Variants in MTUS2 observed in about 807,000 individuals in gnomAD.
The protein encoded by MTUS2 is microtubule associated scaffold protein 2.
MTUS2 carries 40 observed loss-of-function variants against 114.1 expected under a neutral mutation model. That is an observed-to-expected ratio of 0.35 (90% CI 0.27 to 0.46). The LOEUF (loss-of-function observed/expected upper bound fraction) is 0.46, where lower values mean the gene tolerates loss of function less well. MTUS2 is among the 20% of genes least tolerant of loss of function. MTUS2 has a pLI of 1.00. For missense variants in MTUS2, 1,679 were observed against 1,705.4 expected (o/e 0.98, Z 0.27); for synonymous variants, 688 against 672.0 (o/e 1.02, Z -0.37).
chr13:28,988,183 C>G (rs1884673690), intron 2 of MTUS2, among the ~76,000 whole-genome samples: 1 of 151,940 alleles, frequency 6.6e-6, no homozygotes, highest in Middle Eastern at 3.4e-3. Context: ...GTTTCTGGGA[C>G]TGGAGGGACA....
At chr13:28,983,137 T>C (rs1884432919) in intron 2 of MTUS2, among the ~76,000 whole-genome samples, 1 of 152,230 alleles carries the variant, frequency 6.6e-6, no homozygotes, top group South Asian at 2.1e-4. Flanking sequence ...AGGGTGGCTG[T>C]CATCTCCTTC....
At chr13:29,015,126 G>T (rs1886012496) in intron 2 of MTUS2, among the ~76,000 whole-genome samples, 1 of 152,224 alleles carries the variant, frequency 6.6e-6, no homozygotes, top group Admixed American at 6.5e-5. Flanking sequence ...GCCGTGGGTT[G>T]GAGGACTGTT....
chr13:29,157,162 C>T (rs1892896636), intron 5 of MTUS2, among the ~76,000 whole-genome samples: 1 of 152,152 alleles, frequency 6.6e-6, no homozygotes, highest in Non-Finnish European at 1.5e-5. Context: ...GGAACTATTG[C>T]AAACTAAGCT....
At chr13:29,328,011 A>T (rs1029942216) in intron 7 of MTUS2, among the ~76,000 whole-genome samples, 1 of 152,048 alleles carries the variant, frequency 6.6e-6, no homozygotes, top group Non-Finnish European at 1.5e-5. Context: ...CTATCTTTCT[A>T]TGTGTTTGAC....
intron 12 of MTUS2, among the ~76,000 whole-genome samples, chr13:29,495,492 T>C (rs900135221): frequency 2.0e-5 from 3 of 151,972 alleles, no homozygotes; most frequent in African/African-American, 4.8e-5. Context: ...GCACTTCGCA[T>C]GTTAGTGTCA....
intron 8 of MTUS2, among the ~76,000 whole-genome samples, chr13:29,420,582 T>G (rs1876023659): frequency 6.6e-6 from 1 of 152,168 alleles, no homozygotes; most frequent in Non-Finnish European, 1.5e-5. Flanking sequence ...CAGCCTCCGT[T>G]CTTTCTTTAT....
intron 2 of MTUS2, among the ~76,000 whole-genome samples, chr13:28,873,654 C>T (rs776634641): frequency 1.3e-5 from 2 of 152,176 alleles, no homozygotes; most frequent in Non-Finnish European, 2.9e-5. Flanking sequence ...AGTAAAATCA[C>T]ACATATTGCC....
At chr13:28,954,105 A>G (rs1456760239) in intron 2 of MTUS2, among the ~76,000 whole-genome samples, 2 of 152,244 alleles carry the variant, frequency 1.3e-5, no homozygotes, top group South Asian at 2.1e-4. Flanking sequence ...TATTTAAAAT[A>G]TATCTACTTT....
chr13:28,976,953 G>A (rs1176249506), intron 2 of MTUS2, among the ~76,000 whole-genome samples: 2 of 152,164 alleles, frequency 1.3e-5, no homozygotes, highest in Non-Finnish European at 2.9e-5. Flanking sequence ...TTAGGTGGTT[G>A]GGGGAAGGGA....
At chr13:28,968,557 C>CA (rs1319188165) in intron 2 of MTUS2, among the ~76,000 whole-genome samples, 52 of 152,000 alleles carry the variant, frequency 3.4e-4, no homozygotes, top group African/African-American at 1.2e-3. Flanking sequence ...TTCAACTTAA[C>CA]AGGTTAGAAC....
At position 29,492,689 on chromosome 13, in the gene MTUS2, A is replaced by T; in HGVS notation, c.3549A>T (p.Glu1183Asp). The change falls in exon 12 of 16, where the codon GAA becomes GAT. Residue 1183 changes from glutamate (E) to aspartate (D), a missense_variant. By Grantham distance (45) the Glu-to-Asp change is conservative. Transcript: ENST00000612955. ...AGCTTGAAAAGAAAGAATTGGAAGA[A>T]AATTTTGAAAAACTGCGGCTGTCAT... ...THELEKKELE[E>D]NFEKLRLSLQ... The T allele has an allele frequency of 2.5e-6, 4 of 1,613,778 alleles. No individual in the cohort carries two copies. Among genetic ancestry groups the T allele is most frequent in the Non-Finnish European group, 3.4e-6 (4 of 1,179,736 alleles).
rs1218889734 is a variant in MTUS2, at chr13:29,158,870, CG to C, written c.2644+57902del. The stretch of plus-strand genomic sequence containing the variant: ...GGGGATGGAACCAGGGTCTGGTCTT[CG>C]GAATGTCCAGCTGCCTCCAGAGAAG... On this transcript the variant is annotated intron_variant, in intron 5 of 15. Transcript: ENST00000612955. 6.6e-5 allele frequency among the ~76,000 whole-genome samples: 10 copies of C among 152,240 alleles called. No individual in the cohort carries two copies. In the East Asian group the frequency reaches 1.4e-3, roughly 21 times the overall value.
intron 8 of MTUS2, among the ~76,000 whole-genome samples, chr13:29,407,423 A>T (rs1441062092): frequency 6.6e-6 from 1 of 151,378 alleles, no homozygotes; most frequent in Non-Finnish European, 1.5e-5. Flanking sequence ...TTATATTACC[A>T]CATTATTCTC....
At chr13:28,879,912 T>G (rs534406103) in intron 2 of MTUS2, among the ~76,000 whole-genome samples, 35 of 152,108 alleles carry the variant, frequency 2.3e-4, no homozygotes, top group Non-Finnish European at 4.7e-4. Context: ...GTCAGAGAGA[T>G]AAGGAAGCAA....
intron 6 of MTUS2, among the ~76,000 whole-genome samples, chr13:29,311,887 G>A (rs1312307275): frequency 1.3e-5 from 2 of 152,176 alleles, no homozygotes; most frequent in Non-Finnish European, 1.5e-5. Flanking sequence ...GGGAAACTTA[G>A]TAAGAATATT....
intron 8 of MTUS2, among the ~76,000 whole-genome samples, chr13:29,395,192 ATGTC>A (rs1481297417): frequency 6.6e-6 from 1 of 152,078 alleles, no homozygotes; most frequent in Non-Finnish European, 1.5e-5. Flanking sequence ...CAGTCTTAAG[ATGTC>A]TATTTTAATG....
In MTUS2 at chr13:28,837,991, C is replaced by T. The variant is rs76691997; in HGVS notation, c.-315-1787C>T. Among the ~76,000 whole-genome samples the T allele has an allele frequency of 7.9e-3, 1,189 of 149,744 alleles. 19 individuals carry two copies. The highest frequency in any genetic ancestry group is 0.028 in the African/African-American group (1,102 of 39,174). ...ATGTGAACAAAATGACAGGTTTCAT[C>T]TAGCATGTCAACTTTGACTTCGTCA... On this transcript the variant is annotated intron_variant, in intron 1 of 15. Coordinates refer to ENST00000612955, the MANE Select transcript of MTUS2 (RefSeq NM_001033602.4).
At chr13:29,238,221 C>T (rs1208079990) in intron 5 of MTUS2, among the ~76,000 whole-genome samples, 1 of 152,126 alleles carries the variant, frequency 6.6e-6, no homozygotes, top group Non-Finnish European at 1.5e-5. Flanking sequence ...TGTTGTTCAG[C>T]CTTTAAAAAG....
chr13:29,295,231 G>A (rs1281361866), intron 6 of MTUS2, among the ~76,000 whole-genome samples: 1 of 151,896 alleles, frequency 6.6e-6, no homozygotes, highest in African/African-American at 2.4e-5. Context: ...TCAGAGTAGT[G>A]TATTAATCAC....
Sources: gnomAD v4.1 joint callset for allele counts (sites outside exome capture counted in the v4.1 genomes callset) on GRCh38, gnomAD v4.1.1 for gene constraint, MANE v1.5 for transcripts, NCBI Gene and HGNC (gene_info 2026-07-23, HGNC 2026-07-21) for gene names.